Variants in RELN observed in about 807,000 individuals in gnomAD.
RELN encodes the protein reelin.
Under a neutral mutation model 427.6 loss-of-function variants are expected in RELN, and 108 were observed. The ratio of observed to expected loss-of-function variants is 0.25; its 90% CI spans 0.22 to 0.30. The LOEUF (loss-of-function observed/expected upper bound fraction) is 0.30. RELN is among the 10% of genes least tolerant of loss of function. The pLI is 1.00. For missense variants in RELN, 3,715 were observed against 4,302.8 expected, an observed-to-expected ratio of 0.86 and a Z score of 3.82; for synonymous variants, 1,524 against 1,513.4, an observed-to-expected ratio of 1.01 and a Z score of -0.16.
intron 3 of RELN, among the ~76,000 whole-genome samples, chr7:103,812,143 T>C (rs1054847387): frequency 3.3e-5 from 5 of 149,526 alleles, no homozygotes; most frequent in African/African-American, 1.2e-4. Flanking sequence ...TTTCACTCCT[T>C]ACAGGTGACT....
At chr7:103,728,477 A>G (rs1790269509) in intron 6 of RELN, among the ~76,000 whole-genome samples, 1 of 152,156 alleles carries the variant, frequency 6.6e-6, no homozygotes, top group African/African-American at 2.4e-5. Flanking sequence ...AACGAGGCTA[A>G]CCATACTGAT....
At chr7:103,757,843 C>G (rs955948706) in intron 4 of RELN, among the ~76,000 whole-genome samples, 1 of 152,108 alleles carries the variant, frequency 6.6e-6, no homozygotes, top group African/African-American at 2.4e-5. Flanking sequence ...GGGGAACCTT[C>G]ATAATATGGT....
intron 17 of RELN, among the ~76,000 whole-genome samples, chr7:103,638,755 A>C (rs968565439): frequency 1.3e-5 from 2 of 152,198 alleles, no homozygotes; most frequent in Non-Finnish European, 2.9e-5. Flanking sequence ...GACTATGACT[A>C]TTCGGAATAA....
chr7:103,652,246 A>G (rs1584378336), intron 14 of RELN, among the ~76,000 whole-genome samples: 1 of 148,304 alleles, frequency 6.7e-6, no homozygotes, highest in African/African-American at 2.5e-5. Flanking sequence ...GCTTTTTTTC[A>G]GTTGCTTTTT....
At chr7:103,834,726 T>G (rs1475376108) in intron 2 of RELN, among the ~76,000 whole-genome samples, 1 of 152,092 alleles carries the variant, frequency 6.6e-6, no homozygotes, top group Non-Finnish European at 1.5e-5. Flanking sequence ...ATTAGGGAAC[T>G]GCACATTGAA....
intron 3 of RELN, among the ~76,000 whole-genome samples, chr7:103,788,946 G>C (rs2116262112): frequency 6.6e-6 from 1 of 152,218 alleles, no homozygotes; most frequent in South Asian, 2.1e-4. Flanking sequence ...GTACTACAAG[G>C]CTACAGTAAC....
intron 6 of RELN, among the ~76,000 whole-genome samples, chr7:103,733,459 T>G (rs537785445): frequency 7.4e-6 from 1 of 134,738 alleles, no homozygotes. Context: ...CAAAGGACTA[T>G]AAATCATGCT....
intron 1 of RELN, among the ~76,000 whole-genome samples, chr7:103,960,400 C>T (rs917547212): frequency 4.6e-5 from 7 of 152,196 alleles, no homozygotes; most frequent in African/African-American, 9.7e-5. Flanking sequence ...TCACCTTTGG[C>T]GTGGGGGACT....
intron 57 of RELN, among the ~76,000 whole-genome samples, chr7:103,494,897 G>GA (rs1828788550): frequency 2.0e-5 from 3 of 151,956 alleles, no homozygotes; most frequent in Admixed American, 6.6e-5. Flanking sequence ...AATAGATGGA[G>GA]AAAAAATGGC....
intron 38 of RELN, among the ~76,000 whole-genome samples, chr7:103,556,230 C>G (rs1830517258): frequency 6.6e-6 from 1 of 152,094 alleles, no homozygotes; most frequent in Non-Finnish European, 1.5e-5. Flanking sequence ...CTATAGTATT[C>G]TATTTCACTA....
At chr7:103,667,803 G>C (rs1456009326) in intron 11 of RELN, among the ~76,000 whole-genome samples, 2 of 152,152 alleles carry the variant, frequency 1.3e-5, no homozygotes, top group African/African-American at 2.4e-5. Context: ...GCTTACTTTA[G>C]AATTAGTTAA....
chr7:103,971,084 G>A (rs535291967), intron 1 of RELN, among the ~76,000 whole-genome samples: 1 of 151,524 alleles, frequency 6.6e-6, no homozygotes, highest in African/African-American at 2.4e-5. Context: ...CCTGGGAGGC[G>A]GAGGATGCAG....
At chr7:103,761,650 C>T (rs1449741538) in intron 4 of RELN, among the ~76,000 whole-genome samples, 2 of 151,682 alleles carry the variant, frequency 1.3e-5, no homozygotes, top group Non-Finnish European at 2.9e-5. Flanking sequence ...GAGACAAGAT[C>T]TTACCACATT....
chr7:103,730,482 G>T (rs1790326792), intron 6 of RELN, among the ~76,000 whole-genome samples: 3 of 150,552 alleles, frequency 2.0e-5, no homozygotes. Context: ...GAATAGCAGG[G>T]ATTTAAAAAA....
At chr7:103,902,230 GTTCTT>G (rs1262376019) in intron 2 of RELN, among the ~76,000 whole-genome samples, 4 of 151,960 alleles carry the variant, frequency 2.6e-5, no homozygotes, top group African/African-American at 9.7e-5. Context: ...TCCCAGTTAA[GTTCTT>G]CTCTTATTAG....
At position 103,573,941 on chromosome 7, in the gene RELN, C is replaced by A; in HGVS notation, c.4511+151G>T. ...AGAAACCACCTATTTTATTCCAAAG[C>A]TAAAGTTATCTTCATTTTTACATAT... is the stretch of plus-strand genomic sequence containing the variant. On this transcript the variant is annotated intron_variant, in intron 30 of 64. Coordinates refer to ENST00000428762, the MANE Select transcript of RELN (RefSeq NM_005045.4). This position sits in a 1 kb window ranked among gnomAD's most constrained non-coding sequence, Gnocchi z 4.4. 2 of 730,728 alleles carry A rather than the reference C, an allele frequency of 2.7e-6. No homozygotes were observed. The highest frequency in any genetic ancestry group is 4.7e-6 in the Non-Finnish European group (2 of 424,476). The allele number at this position is 730,728 out of a possible 1,614,324, so 45.3% of individuals were successfully genotyped here. A position where few individuals can be genotyped will look rare whatever the true frequency, so the allele number is the denominator to read the frequency against.
chr7:103,884,026 A>C (rs1017657128), intron 2 of RELN, among the ~76,000 whole-genome samples: 1 of 152,172 alleles, frequency 6.6e-6, no homozygotes, highest in African/African-American at 2.4e-5. Context: ...ACCTAACTTC[A>C]AAGTATACTA....
rs1490779728 is a variant in RELN, at chr7:103,620,878, T to C, written c.2702+9062A>G. On this transcript the variant is annotated intron_variant, in intron 20 of 64. Coordinates refer to ENST00000428762, the MANE Select transcript of RELN (RefSeq NM_005045.4). This position sits in a 1 kb window ranked among gnomAD's most constrained non-coding sequence, Gnocchi z 4.1. The stretch of plus-strand genomic sequence containing the variant: ...TCTCCTCTATTTCCTTGAACATCAC[T>C]TCCTTTTAGAACAGAACACACTGGT... Among the ~76,000 whole-genome samples, 3 of 152,174 alleles carry C rather than the reference T, an allele frequency of 2.0e-5. No individual in the cohort carries two copies. Among genetic ancestry groups the C allele is most frequent in the Non-Finnish European group, 2.9e-5 (2 of 68,026 alleles).
chr7:103,775,244 G>A (rs988276018), intron 4 of RELN, among the ~76,000 whole-genome samples: 3 of 152,028 alleles, frequency 2.0e-5, no homozygotes, highest in African/African-American at 7.2e-5. Flanking sequence ...AAATTCTTGA[G>A]CCTACCTACA....
Sources: allele counts gnomAD v4.1 joint callset (sites outside exome capture counted in the v4.1 genomes callset), GRCh38; gene constraint gnomAD v4.1.1; non-coding constraint Gnocchi (gnomAD v3.1); transcripts MANE v1.5; gene names NCBI Gene and HGNC (gene_info 2026-07-23, HGNC 2026-07-21).